Variants in BNC2 observed in about 807,000 individuals in gnomAD.
The protein encoded by BNC2 is basonuclin zinc finger protein 2.
A neutral mutation model predicts 76.3 loss-of-function variants in BNC2; 20 were observed. That is an observed-to-expected ratio of 0.26 (90% CI 0.18 to 0.38). The LOEUF is 0.38. Among genes scored for constraint, BNC2 ranks in the 10% least tolerant of loss-of-function variants. The pLI is 1.00. For synonymous variants in BNC2, 582 were observed against 514.8 expected, an observed-to-expected ratio of 1.13 and a Z score of -1.77; for missense variants, 1,382 against 1,399.8, an observed-to-expected ratio of 0.99 and a Z score of 0.20.
At chr9:16,468,694 A>T (rs1203826473) in intron 5 of BNC2, among the ~76,000 whole-genome samples, 1 of 152,102 alleles carries the variant, frequency 6.6e-6, no homozygotes, top group Non-Finnish European at 1.5e-5. Flanking sequence ...CCCGGACTAT[A>T]TGCAGTATCT....
At chr9:16,548,709 T>A (rs1818565563) in intron 5 of BNC2, among the ~76,000 whole-genome samples, 1 of 152,208 alleles carries the variant, frequency 6.6e-6, no homozygotes, top group African/African-American at 2.4e-5. Context: ...CTGGCCAGAA[T>A]TATTCTTTAG....
At chr9:16,840,104 G>C (rs908407055) in intron 1 of BNC2, among the ~76,000 whole-genome samples, 2 of 152,148 alleles carry the variant, frequency 1.3e-5, no homozygotes, top group Non-Finnish European at 2.9e-5. Flanking sequence ...GTCTAAAGAA[G>C]TACCAAAGAA....
At chr9:16,646,519 T>G (rs1821631140) in intron 3 of BNC2, among the ~76,000 whole-genome samples, 3 of 152,082 alleles carry the variant, frequency 2.0e-5, no homozygotes, top group Admixed American at 2.0e-4. Context: ...ATGATCCAAT[T>G]TATATAAAGT....
In BNC2 at chr9:16,591,848, C is replaced by T. The variant is rs538449357; in HGVS notation, c.331-8763G>A. Among the ~76,000 whole-genome samples, 20 of 152,138 alleles carry T rather than the reference C, an allele frequency of 1.3e-4. No individual in the cohort carries two copies. The South Asian group carries it at 3.9e-3, about 30-fold the overall frequency. ...TTAATTAACAATTCAAAGAAAGGTC[C>T]TTACATTTGTCTAATTGTTTTTAAT... is the stretch of plus-strand genomic sequence containing the variant. On this transcript the variant is annotated intron_variant, in intron 3 of 6. Coordinates refer to ENST00000380672, the MANE Select transcript of BNC2 (RefSeq NM_017637.6).
chr9:16,843,939 C>G (rs1818897625), intron 1 of BNC2, among the ~76,000 whole-genome samples: 1 of 152,068 alleles, frequency 6.6e-6, no homozygotes. Flanking sequence ...CTGTTTTTAT[C>G]AAATTCTGGT....
chr9:16,580,253 C>T (rs374355100), intron 4 of BNC2: 7 of 398,096 alleles, frequency 1.8e-5, no homozygotes, highest in African/African-American at 1.4e-4. Flanking sequence ...CAACCCCTCA[C>T]TGCTGTATTT....
intron 4 of BNC2, among the ~76,000 whole-genome samples, chr9:16,573,222 A>C (rs1213221472): frequency 2.1e-5 from 1 of 47,534 alleles, no homozygotes; most frequent in Admixed American, 1.6e-4. Flanking sequence ...ACCCTGTCTC[A>C]AAAAAAAAAA....
At chr9:16,446,604 GCACTAGTTT>G (rs1821236524) in intron 5 of BNC2, among the ~76,000 whole-genome samples, 1 of 151,998 alleles carries the variant, frequency 6.6e-6, no homozygotes, top group African/African-American at 2.4e-5. Context: ...AAATGCCAGG[GCACTAGTTT>G]CATGTGGTTC....
intron 1 of BNC2, among the ~76,000 whole-genome samples, chr9:16,801,240 C>A (rs1817771035): frequency 6.6e-6 from 1 of 151,978 alleles, no homozygotes; most frequent in Non-Finnish European, 1.5e-5. Flanking sequence ...ATAATACATT[C>A]ATCACCTTTA....
In BNC2 at chr9:16,807,828, C is replaced by T. The variant is rs577267542; in HGVS notation, c.3+62818G>A. ...TTTCTGTCTAGAATGCCTTTTTTCT[C>T]ACTCTGGAGTGAGAAATGAACTTAA... On this transcript the variant is annotated intron_variant, in intron 1 of 6. Coordinates refer to ENST00000380672, the MANE Select transcript of BNC2 (RefSeq NM_017637.6). 3.3e-5 allele frequency among the ~76,000 whole-genome samples: 5 copies of T among 152,192 alleles called. No homozygotes were observed. The South Asian group carries it at 1.0e-3, about 32-fold the overall frequency.
In BNC2 at chr9:16,551,338, C is replaced by T. The variant is rs146701831; in HGVS notation, c.669+1192G>A. Among the ~76,000 whole-genome samples the T allele has an allele frequency of 5.3e-3, 806 of 152,222 alleles. 8 individuals are homozygous for T. The highest frequency in any genetic ancestry group is 0.019 in the African/African-American group (779 of 41,500). On this transcript the variant is annotated intron_variant, in intron 5 of 6. Transcript: ENST00000380672. ...TCCACTGCTCTCCTGTCCCAGCTAA[C>T]AGCTGGAGGTACCACACAGGAAAAT...
chr9:16,863,492 C>A (rs886760764), intron 1 of BNC2, among the ~76,000 whole-genome samples: 3 of 152,048 alleles, frequency 2.0e-5, no homozygotes, highest in Non-Finnish European at 2.9e-5. Flanking sequence ...GTCAGGAGTT[C>A]GGGACCAGCC....
At chr9:16,732,582 T>C (rs1284078831) in intron 2 of BNC2, among the ~76,000 whole-genome samples, 1 of 152,234 alleles carries the variant, frequency 6.6e-6, no homozygotes, top group Non-Finnish European at 1.5e-5. Context: ...CACAGAACAA[T>C]ACCTGTAATT....
chr9:16,668,391 C>G (rs188259982), intron 3 of BNC2, among the ~76,000 whole-genome samples: 1 of 152,338 alleles, frequency 6.6e-6, no homozygotes, highest in East Asian at 1.9e-4. Flanking sequence ...TTGTGACACT[C>G]TGGGCCTCAC....
intron 3 of BNC2, among the ~76,000 whole-genome samples, chr9:16,624,357 GCAA>G (rs1329254253): frequency 1.3e-5 from 2 of 152,084 alleles, no homozygotes; most frequent in African/African-American, 2.4e-5. Context: ...GTTCACTATG[GCAA>G]CAACACCAGA....
chr9:16,543,024 T>C (rs1818372462), intron 5 of BNC2, among the ~76,000 whole-genome samples: 1 of 152,198 alleles, frequency 6.6e-6, no homozygotes, highest in Non-Finnish European at 1.5e-5. Flanking sequence ...CCCCTCATCT[T>C]CCACTGGGCT....
At chr9:16,632,382 C>A (rs1449632502) in intron 3 of BNC2, among the ~76,000 whole-genome samples, 1 of 151,900 alleles carries the variant, frequency 6.6e-6, no homozygotes, top group Admixed American at 6.6e-5. Flanking sequence ...ACTGGCATAG[C>A]CTTGTACATC....
At chr9:16,467,813 C>T (rs1263972307) in intron 5 of BNC2, among the ~76,000 whole-genome samples, 1 of 144,332 alleles carries the variant, frequency 6.9e-6, no homozygotes, top group Admixed American at 6.9e-5. Flanking sequence ...GCACATGTAC[C>T]CTAAAACTTA....
intron 3 of BNC2, among the ~76,000 whole-genome samples, chr9:16,628,969 G>T (rs1282511858): frequency 6.6e-6 from 1 of 152,152 alleles, no homozygotes; most frequent in African/African-American, 2.4e-5. Flanking sequence ...TCAGTAGCTT[G>T]TATGTAAGCA....
Sources: gnomAD v4.1 joint callset for allele counts (sites outside exome capture counted in the v4.1 genomes callset) on GRCh38, gnomAD v4.1.1 for gene constraint, MANE v1.5 for transcripts, NCBI Gene and HGNC (gene_info 2026-07-23, HGNC 2026-07-21) for gene names.